Variants in ZNF215 observed in about 807,000 individuals in gnomAD.
ZNF215 encodes BWSCR2-associated zinc finger protein 2.
In ZNF215, 24 loss-of-function variants were observed where a neutral mutation model predicts 27.2. The observed-to-expected ratio is 0.88, with a 90% CI of 0.64 to 1.24. ZNF215 has a LOEUF of 1.24. Ranked by LOEUF, ZNF215 falls within the 50% of genes most tolerant of loss-of-function variation. ZNF215 has a pLI of 0.00. For synonymous variants in ZNF215, 210 were observed against 204.0 expected, an observed-to-expected ratio of 1.03 and a Z score of -0.25; for missense variants, 675 against 605.7, an observed-to-expected ratio of 1.11 and a Z score of -1.20.
At chr11:6,980,608 T>C (rs929709307) in intron 5 of ZNF215, among the ~76,000 whole-genome samples, 8 of 70,356 alleles carry the variant, frequency 1.1e-4, no homozygotes, top group Non-Finnish European at 1.9e-4. Context: ...AGTTTACTTT[T>C]TATTATTATT....
chr11:6,936,502 C>CT (rs1314969338), intron 3 of ZNF215, among the ~76,000 whole-genome samples: 2 of 152,014 alleles, frequency 1.3e-5, no homozygotes, highest in African/African-American at 4.8e-5. Context: ...TATTTTTAAA[C>CT]TTTCAACAAA....
At chr11:6,987,721 C>T (rs1221982590), downstream of ZNF215, among the ~76,000 whole-genome samples, 1 of 152,170 alleles carries the variant, frequency 6.6e-6, no homozygotes, top group Non-Finnish European at 1.5e-5. Flanking sequence ...ATAAAGCACT[C>T]ACCAAAGTAA....
intron 3 of ZNF215, among the ~76,000 whole-genome samples, chr11:6,933,823 G>GATATAA (rs55934640): frequency 0.98 from 143,366 of 145,842 alleles, 70,528 homozygotes; most frequent in Middle Eastern, 1. Flanking sequence ...AGCTGGTCTA[G>GATATAA]CTATCAGTTA....
chr11:6,964,684 CTTTTT>C (rs71056773), intron 5 of ZNF215, among the ~76,000 whole-genome samples: 2 of 142,214 alleles, frequency 1.4e-5, no homozygotes. Flanking sequence ...CTTCTTAGGT[CTTTTT>C]TTTTTTTTAT....
chr11:6,993,635 A>G (rs1316075574), downstream of ZNF215, among the ~76,000 whole-genome samples: 4 of 152,174 alleles, frequency 2.6e-5, no homozygotes, highest in East Asian at 1.9e-4. Context: ...CCAAACAGAG[A>G]TAAGCAGTGT....
downstream of ZNF215, among the ~76,000 whole-genome samples, chr11:6,985,412 C>G (rs942859433): frequency 1.3e-5 from 2 of 152,144 alleles, no homozygotes; most frequent in African/African-American, 4.8e-5. Context: ...TTAGAGCCAT[C>G]TATGACAAAC....
chr11:6,967,538 G>T (rs1248175557), intron 5 of ZNF215, among the ~76,000 whole-genome samples: 1 of 152,120 alleles, frequency 6.6e-6, no homozygotes, highest in Non-Finnish European at 1.5e-5. Context: ...GTTTTGATTT[G>T]CATTTCTCTA....
chr11:6,937,290 C>G (rs1849470831), intron 3 of ZNF215, among the ~76,000 whole-genome samples: 1 of 151,714 alleles, frequency 6.6e-6, no homozygotes, highest in South Asian at 2.1e-4. Flanking sequence ...TAAAAGAAAC[C>G]AAGAAAATAA....
chr11:6,949,370 A>G (rs1045940467), intron 6 of ZNF215, among the ~76,000 whole-genome samples: 29 of 152,274 alleles, frequency 1.9e-4, no homozygotes, highest in Non-Finnish European at 2.8e-4. Flanking sequence ...CACCAACAGT[A>G]TAAAAGTGTT....
intron 5 of ZNF215, among the ~76,000 whole-genome samples, chr11:6,970,839 T>TACATGTATA (rs968203546): frequency 6.6e-6 from 1 of 152,214 alleles, no homozygotes; most frequent in Non-Finnish European, 1.5e-5. Flanking sequence ...TCCTTGCAGG[T>TACATGTATA]ACATGTATAC....
At chr11:6,983,306 C>A (rs1317373975) in intron 5 of ZNF215, among the ~76,000 whole-genome samples, 1 of 152,016 alleles carries the variant, frequency 6.6e-6, no homozygotes, top group Non-Finnish European at 1.5e-5. Context: ...CAGATGGATT[C>A]ACAGCTGAAT....
chr11:6,941,809 T>C (rs933209247), intron 4 of ZNF215, among the ~76,000 whole-genome samples, 156 bp downstream of exon 4: 3 of 152,240 alleles, frequency 2.0e-5, no homozygotes, highest in African/African-American at 7.2e-5. Context: ...TTTTAGTTGG[T>C]GATACACTGT....
In ZNF215 at chr11:6,957,842, A is replaced by G; in HGVS notation, c.*1311A>G. 1.0e-6 allele frequency: 1 copy of G among 985,428 alleles called. No homozygotes were observed. The allele number at this position is 985,428 out of a possible 1,614,324, so 61.0% of individuals were successfully genotyped here. On this transcript the variant is annotated 3_prime_UTR_variant, in exon 7 of 7. Coordinates refer to ENST00000278319, the MANE Select transcript of ZNF215 (RefSeq NM_013250.4). Reference sequence around the variant, plus strand: ...TATTAAAGTCTCCTATACTCTGTACACCAGAACTGTGTCTTCTGTAAACTA... The same window carrying G: ...TATTAAAGTCTCCTATACTCTGTACGCCAGAACTGTGTCTTCTGTAAACTA...
intron 4 of ZNF215, 98 bp downstream of exon 4, chr11:6,941,751 C>T: frequency 7.9e-7 from 1 of 1,262,614 alleles, no homozygotes; most frequent in Non-Finnish European, 1.1e-6. Flanking sequence ...AAACATGGTT[C>T]CATCCAAGAA....
chr11:6,926,951 G>C (rs2133121400), intron 1 of ZNF215: 1 of 131,284 alleles, frequency 7.6e-6, no homozygotes, highest in African/African-American at 2.8e-5. Flanking sequence ...TGAGAGCAGC[G>C]ACAGAGGGCG....
intron 3 of ZNF215, among the ~76,000 whole-genome samples, chr11:6,934,015 C>T (rs1320395403): frequency 2.0e-5 from 3 of 152,024 alleles, no homozygotes; most frequent in South Asian, 4.2e-4. Flanking sequence ...ATGTGTGGAC[C>T]TTATAAGACA....
chr11:6,990,095 TC>T (rs1274361265), downstream of ZNF215, among the ~76,000 whole-genome samples: 3 of 152,284 alleles, frequency 2.0e-5, no homozygotes, highest in East Asian at 5.8e-4. Context: ...TGCCCCTAGC[TC>T]AGGGAGACAG....
At chr11:6,953,206 G>C (rs1378035352) in intron 6 of ZNF215, among the ~76,000 whole-genome samples, 1 of 152,134 alleles carries the variant, frequency 6.6e-6, no homozygotes, top group East Asian at 1.9e-4. Flanking sequence ...TCTGACAATT[G>C]TATGTCTTGG....
rs191394467 is a variant in ZNF215, at chr11:6,967,163, G to T, written c.805+11381G>T. The stretch of plus-strand genomic sequence containing the variant: ...ACTCATCCTTTTTTATGGCTGCATA[G>T]TATTCCATGGTGTATATATGCCACA... On this transcript the variant is annotated intron_variant, in intron 5 of 5. Transcript: ENST00000529903. Among the ~76,000 whole-genome samples, 485 of 152,270 alleles carry T rather than the reference G, an allele frequency of 3.2e-3. 3 individuals are homozygous for T. Among genetic ancestry groups the T allele is most frequent in the South Asian group, 9.3e-3 (45 of 4,826 alleles).
Sources: allele counts gnomAD v4.1 joint callset (sites outside exome capture counted in the v4.1 genomes callset), GRCh38; gene constraint gnomAD v4.1.1; transcripts MANE v1.5; gene names NCBI Gene and HGNC (gene_info 2026-07-23, HGNC 2026-07-21).